INPP4B: variants seen among roughly 807,000 people sequenced by gnomAD.
INPP4B encodes inositol polyphosphate 4-phosphatase type II.
A neutral mutation model predicts 122.5 loss-of-function variants in INPP4B; 55 were observed. The ratio of observed to expected loss-of-function variants is 0.45; its 90% CI spans 0.36 to 0.56. The LOEUF is 0.56. Among genes scored for constraint, INPP4B ranks in the 20% least tolerant of loss-of-function variants. The pLI, the probability that INPP4B is intolerant of heterozygous loss-of-function variation, is 0.00. For synonymous variants in INPP4B, 403 were observed against 388.7 expected (o/e 1.04, Z -0.43); for missense variants, 1,000 against 1,097.7 (o/e 0.91, Z 1.26).
At chr4:142,767,611 A>T (rs757068058) in intron 1 of INPP4B, 1 of 152,190 alleles carries the variant, frequency 6.6e-6, no homozygotes, top group Non-Finnish European at 1.5e-5. Context: ...GTTTCTCCAA[A>T]ATAGAACATG....
chr4:142,035,544 G>A (rs964689004), intron 25 of INPP4B, among the ~76,000 whole-genome samples: 5 of 152,210 alleles, frequency 3.3e-5, no homozygotes, highest in Admixed American at 6.5e-5. Context: ...GTGTTCAAAA[G>A]TGGATGTACC....
At chr4:142,390,186 G>A (rs1173435943) in intron 7 of INPP4B, among the ~76,000 whole-genome samples, 1 of 152,046 alleles carries the variant, frequency 6.6e-6, no homozygotes, top group Non-Finnish European at 1.5e-5. Context: ...TTAAAAATTG[G>A]GGATAACATT....
intron 1 of INPP4B, among the ~76,000 whole-genome samples, chr4:142,808,583 T>C (rs1458620242): frequency 6.6e-6 from 1 of 152,176 alleles, no homozygotes; most frequent in Non-Finnish European, 1.5e-5. Context: ...ACTGAGTATA[T>C]TCAGAGGTAG....
chr4:142,532,954 C>T (rs1029478689), intron 2 of INPP4B, among the ~76,000 whole-genome samples: 2 of 151,954 alleles, frequency 1.3e-5, no homozygotes, highest in Admixed American at 6.6e-5. Context: ...AATCACAACG[C>T]CAAGAATTAG....
At chr4:142,801,605 C>A (rs976128245) in intron 1 of INPP4B, among the ~76,000 whole-genome samples, 1 of 152,184 alleles carries the variant, frequency 6.6e-6, no homozygotes, top group Non-Finnish European at 1.5e-5. Context: ...TTAAGCCACA[C>A]AATCTGTGGT....
At chr4:142,146,445 T>C (rs1810779374) in intron 17 of INPP4B, among the ~76,000 whole-genome samples, 1 of 152,162 alleles carries the variant, frequency 6.6e-6, no homozygotes, top group South Asian at 2.1e-4. Flanking sequence ...GCATTAAGTA[T>C]ATTCACATTG....
intron 15 of INPP4B, among the ~76,000 whole-genome samples, chr4:142,191,025 T>C (rs1462492025): frequency 6.6e-6 from 1 of 151,828 alleles, no homozygotes; most frequent in East Asian, 1.9e-4. Context: ...GGAAAAAAAA[T>C]AGATTAAGTC....
intron 2 of INPP4B, among the ~76,000 whole-genome samples, chr4:142,563,770 T>A (rs1730966277): frequency 1.3e-5 from 2 of 152,128 alleles, no homozygotes; most frequent in African/African-American, 4.8e-5. Flanking sequence ...TCTCCCTCTC[T>A]CTCTTTCTGA....
At chr4:142,554,365 TA>T (rs11363091) in intron 2 of INPP4B, among the ~76,000 whole-genome samples, 19,850 of 123,252 alleles carry the variant, frequency 0.16, 1,646 homozygotes, top group African/African-American at 0.25. Flanking sequence ...CTTGCAATAG[TA>T]AAAAAAAAAA....
At chr4:142,287,395 G>A (rs892888658) in intron 9 of INPP4B, 3 of 152,106 alleles carry the variant, frequency 2.0e-5, no homozygotes, top group Admixed American at 6.5e-5. Context: ...CATAAGCGTC[G>A]GCTGTTCAGA....
intron 8 of INPP4B, among the ~76,000 whole-genome samples, chr4:142,308,475 C>G (rs1017089500): frequency 1.3e-5 from 2 of 152,020 alleles, no homozygotes; most frequent in African/African-American, 4.8e-5. Context: ...ATGGGATTGC[C>G]TATACATTTA....
chr4:142,096,296 T>G (rs1781758320), intron 23 of INPP4B: 1 of 152,210 alleles, frequency 6.6e-6, no homozygotes, highest in Admixed American at 6.5e-5. Flanking sequence ...AATCTAAGTT[T>G]GTACCTACAC....
chr4:142,569,863 T>A (rs901248847), intron 2 of INPP4B, among the ~76,000 whole-genome samples: 10 of 152,184 alleles, frequency 6.6e-5, no homozygotes, highest in African/African-American at 2.4e-4. Context: ...AAAATTCATA[T>A]ATTTAACAAA....
intron 9 of INPP4B, among the ~76,000 whole-genome samples, chr4:142,282,772 G>C (rs1751791951): frequency 6.6e-6 from 1 of 152,016 alleles, no homozygotes; most frequent in Non-Finnish European, 1.5e-5. Context: ...GGTTATCCCA[G>C]CCACCTGTGT....
intron 15 of INPP4B, among the ~76,000 whole-genome samples, chr4:142,177,443 G>A (rs1828840457): frequency 6.6e-6 from 1 of 151,952 alleles, no homozygotes; most frequent in South Asian, 2.1e-4. Flanking sequence ...TTTTATAGTA[G>A]TATGAAATTT....
chr4:142,320,745 G>T (rs778815072), intron 7 of INPP4B, among the ~76,000 whole-genome samples: 1 of 152,122 alleles, frequency 6.6e-6, no homozygotes, highest in African/African-American at 2.4e-5. Context: ...GAAATACTAT[G>T]TTTGGTTTTC....
In INPP4B at chr4:142,727,017, A is replaced by G. The variant is rs534449643; in HGVS notation, c.-253-1116T>C. Among the ~76,000 whole-genome samples the G allele has an allele frequency of 8.5e-5, 13 of 152,298 alleles. 1 individual carries two copies. The South Asian group carries it at 2.7e-3, about 32-fold the overall frequency. On this transcript the variant is annotated intron_variant, in intron 1 of 25. Transcript: ENST00000262992. ...AGAACAACAACAAAAAAGGCTTACT[A>G]TTCCATTGAGAATCACTGCCCTAGT...
At chr4:142,630,225 A>G (rs1747633325) in intron 2 of INPP4B, among the ~76,000 whole-genome samples, 1 of 152,138 alleles carries the variant, frequency 6.6e-6, no homozygotes, top group African/African-American at 2.4e-5. Flanking sequence ...TGTGCTTTTA[A>G]TCTAGTTATT....
intron 1 of INPP4B, among the ~76,000 whole-genome samples, chr4:142,758,020 C>A (rs569824367): frequency 1.3e-5 from 2 of 152,284 alleles, no homozygotes; most frequent in Admixed American, 6.5e-5. Context: ...GGCAGTGACA[C>A]TGGTCTAGAT....
Sources: gnomAD v4.1 joint callset for allele counts (sites outside exome capture counted in the v4.1 genomes callset) on GRCh38, gnomAD v4.1.1 for gene constraint, MANE v1.5 for transcripts, NCBI Gene and HGNC (gene_info 2026-07-23, HGNC 2026-07-21) for gene names.